TAFA5: variants seen among roughly 807,000 people sequenced by gnomAD.
TAFA5 encodes chemokine-like protein TAFA-5.
TAFA5 carries 6 observed loss-of-function variants against 15.3 expected under a neutral mutation model. That is an observed-to-expected ratio of 0.39 (90% CI 0.21 to 0.77). The LOEUF (loss-of-function observed/expected upper bound fraction) is 0.77. Ranked by LOEUF, TAFA5 falls within the 30% of genes least tolerant of loss-of-function variation. The probability of loss-of-function intolerance (pLI) is 0.41; values close to 1 mark genes in which losing one functional copy is unlikely to be tolerated. For synonymous variants in TAFA5, 103 were observed against 80.7 expected (o/e 1.28, Z -1.48); for missense variants, 161 against 193.1 (o/e 0.83, Z 0.98).
chr22:48,594,894 T>G (rs1924707460), intron 1 of TAFA5, among the ~76,000 whole-genome samples: 1 of 140,792 alleles, frequency 7.1e-6, no homozygotes. Flanking sequence ...TTTTTTTTTT[T>G]GGTGCTCAGA....
At chr22:48,713,574 A>G (rs1929317739) in intron 3 of TAFA5, among the ~76,000 whole-genome samples, 1 of 152,202 alleles carries the variant, frequency 6.6e-6, no homozygotes, top group Non-Finnish European at 1.5e-5. Context: ...CGCCACCTAC[A>G]AGCCCCTCTG....
At position 48,607,886 on chromosome 22, in the gene TAFA5, G is replaced by T. The variant is rs180686440; in HGVS notation, c.113-38711G>T. ...CTGCCCTTTTCTGACCACCCTGGGG[G>T]TCCTGAGGAGTGAGGGAGCTATGAC... On this transcript the variant is annotated intron_variant, in intron 1 of 3. Transcript: ENST00000402357. 3.6e-3 allele frequency among the ~76,000 whole-genome samples: 545 copies of T among 152,296 alleles called. 2 individuals carry two copies. Among genetic ancestry groups the T allele is most frequent in the Non-Finnish European group, 6.0e-3 (410 of 68,024 alleles).
intron 2 of TAFA5, among the ~76,000 whole-genome samples, chr22:48,676,117 C>A (rs968445527): frequency 6.6e-6 from 1 of 152,264 alleles, no homozygotes; most frequent in Non-Finnish European, 1.5e-5. Flanking sequence ...CAGGCAGCCT[C>A]CCTGGGCCAC....
intron 1 of TAFA5, among the ~76,000 whole-genome samples, chr22:48,517,378 G>A (rs375945229): frequency 9.2e-5 from 14 of 152,142 alleles, no homozygotes; most frequent in South Asian, 2.1e-4. Context: ...CCACTGGGAC[G>A]GCTGGCAGAT....
chr22:48,726,212 G>T (rs1929710076), intron 3 of TAFA5, among the ~76,000 whole-genome samples: 1 of 152,228 alleles, frequency 6.6e-6, no homozygotes, highest in Non-Finnish European at 1.5e-5. Context: ...TTTGGGCAAA[G>T]TAAATAAATA....
chr22:48,564,852 T>C (rs1284641978), intron 1 of TAFA5, among the ~76,000 whole-genome samples: 2 of 152,216 alleles, frequency 1.3e-5, no homozygotes, highest in Non-Finnish European at 2.9e-5. Flanking sequence ...AGCTACCCCA[T>C]GGTGGGTGCC....
At chr22:48,504,318 G>A (rs571953114) in intron 1 of TAFA5, among the ~76,000 whole-genome samples, 2 of 152,302 alleles carry the variant, frequency 1.3e-5, no homozygotes, top group African/African-American at 2.4e-5. Flanking sequence ...TTTAGCAAAG[G>A]TCCATTCTTA....
chr22:48,498,734 G>A (rs1439509002), intron 1 of TAFA5, among the ~76,000 whole-genome samples: 3 of 152,128 alleles, frequency 2.0e-5, no homozygotes, highest in Non-Finnish European at 4.4e-5. Flanking sequence ...GATGCCAGGG[G>A]CCCCTCCTCC....
At chr22:48,689,308 C>T (rs186342258) in intron 2 of TAFA5, among the ~76,000 whole-genome samples, 152 of 152,244 alleles carry the variant, frequency 1.0e-3, no homozygotes, top group African/African-American at 3.4e-3. Flanking sequence ...AGAGATGGGG[C>T]GCCTCTCACC....
At position 48,598,619 on chromosome 22, in the gene TAFA5, C is replaced by T. The variant is rs1924854255; in HGVS notation, c.113-47978C>T. On this transcript the variant is annotated intron_variant, in intron 1 of 3. Coordinates refer to ENST00000402357, the MANE Select transcript of TAFA5 (RefSeq NM_001082967.3). This position sits in a 1 kb window ranked among gnomAD's most constrained non-coding sequence, Gnocchi z 4.0. ...CCTGGTTTCACTCACACTTCTGACA[C>T]CAAATGTGTCAGTTTTTCACACCAA... is the stretch of plus-strand genomic sequence containing the variant. Among the ~76,000 whole-genome samples, 1 of 152,304 alleles carries T rather than the reference C, an allele frequency of 6.6e-6. No homozygotes were observed. Among genetic ancestry groups the T allele is most frequent in the African/African-American group, 2.4e-5 (1 of 41,560 alleles).
At chr22:48,722,583 A>G (rs968784348) in intron 3 of TAFA5, among the ~76,000 whole-genome samples, 10 of 152,232 alleles carry the variant, frequency 6.6e-5, no homozygotes, top group African/African-American at 2.4e-4. Flanking sequence ...GAGGGATAGC[A>G]TCAGGAGAAA....
rs1317874385 is a variant in TAFA5, at chr22:48,708,994, AG to A, written c.390+1153del. 2.0e-5 allele frequency among the ~76,000 whole-genome samples: 3 copies of A among 152,310 alleles called. No individual in the cohort carries two copies. In the East Asian group the frequency reaches 5.8e-4, roughly 30 times the overall value. On this transcript the variant is annotated intron_variant, in intron 3 of 3. Coordinates refer to ENST00000402357, the MANE Select transcript of TAFA5 (RefSeq NM_001082967.3). Reference sequence around the variant, plus strand: ...GGTTCTAACGTAATTCGGGGCTCTCAGGGTCGTCTTCTGAGAGTCGCACGGC... The same window carrying A: ...GGTTCTAACGTAATTCGGGGCTCTCAGGTCGTCTTCTGAGAGTCGCACGGC...
intron 1 of TAFA5, among the ~76,000 whole-genome samples, chr22:48,558,608 C>T (rs566867756): frequency 7.2e-5 from 11 of 152,200 alleles, no homozygotes; most frequent in Admixed American, 1.3e-4. Context: ...CTCTTCATTG[C>T]TGTGGAATAT....
chr22:48,513,052 G>T (rs543996805), intron 1 of TAFA5, among the ~76,000 whole-genome samples: 1 of 152,120 alleles, frequency 6.6e-6, no homozygotes, highest in African/African-American at 2.4e-5. Context: ...TGCTGTACAC[G>T]TGTGATCACT....
chr22:48,653,974 C>T (rs17823525), intron 2 of TAFA5, among the ~76,000 whole-genome samples: 21,488 of 151,910 alleles, frequency 0.14, 1,778 homozygotes, highest in Admixed American at 0.26. Flanking sequence ...CATGGGTGCC[C>T]GAGCCTCTCC....
chr22:48,653,756 G>A (rs889540958), intron 2 of TAFA5, among the ~76,000 whole-genome samples: 2 of 152,144 alleles, frequency 1.3e-5, no homozygotes, highest in Admixed American at 6.5e-5. Context: ...CTGAGAACAT[G>A]AAGTTCCTTG....
chr22:48,522,459 G>A (rs1008061295), intron 1 of TAFA5, among the ~76,000 whole-genome samples: 5 of 152,160 alleles, frequency 3.3e-5, no homozygotes, highest in African/African-American at 1.2e-4. Context: ...CCCTCCCTCA[G>A]TGGCTGGTGG....
chr22:48,543,259 G>A (rs996378749), intron 1 of TAFA5: 8 of 152,174 alleles, frequency 5.3e-5, no homozygotes, highest in Non-Finnish European at 8.8e-5. Context: ...CCCTCCCCGG[G>A]GAAGAGATGG....
intron 2 of TAFA5, chr22:48,693,308 G>C (rs1406784702): frequency 1.2e-6 from 2 of 1,609,026 alleles, no homozygotes; most frequent in African/African-American, 2.7e-5. Flanking sequence ...TGCCCTAAGA[G>C]AGTAATTGAA....
Sources: allele counts gnomAD v4.1 joint callset (sites outside exome capture counted in the v4.1 genomes callset), GRCh38; gene constraint gnomAD v4.1.1; non-coding constraint Gnocchi (gnomAD v3.1); transcripts MANE v1.5; gene names NCBI Gene and HGNC (gene_info 2026-07-23, HGNC 2026-07-21).